Variants in SPATA13 observed in about 807,000 individuals in gnomAD.
The protein encoded by SPATA13 is spermatogenesis-associated protein 13.
Under a neutral mutation model 104.0 loss-of-function variants are expected in SPATA13, and 50 were observed. The ratio of observed to expected loss-of-function variants is 0.48; its 90% confidence interval spans 0.38 to 0.61. The LOEUF (loss-of-function observed/expected upper bound fraction) is 0.61, where lower values mean the gene tolerates loss of function less well. Among genes scored for constraint, SPATA13 ranks in the 20% least tolerant of loss-of-function variants. The pLI is 0.00. For missense variants in SPATA13, 1,524 were observed against 1,690.6 expected (o/e 0.90, Z 1.73); for synonymous variants, 606 against 667.5 (o/e 0.91, Z 1.42).
At chr13:24,036,496 T>C (rs1214952305) in intron 3 of SPATA13, among the ~76,000 whole-genome samples, 1 of 152,210 alleles carries the variant, frequency 6.6e-6, no homozygotes, top group Non-Finnish European at 1.5e-5. Flanking sequence ...AGGTGCACTG[T>C]AGAATCTGGA....
intron 1 of SPATA13, among the ~76,000 whole-genome samples, chr13:24,211,078 A>T (rs1245158066): frequency 6.6e-6 from 1 of 152,234 alleles, no homozygotes; most frequent in Non-Finnish European, 1.5e-5. Context: ...ACTGAAGAAA[A>T]TAAATTCAAC....
In SPATA13 at chr13:24,275,795, G is replaced by A. The variant is rs1052290142; in HGVS notation, c.2165-8340G>A. 2.6e-5 allele frequency among the ~76,000 whole-genome samples: 4 copies of A among 152,306 alleles called. No homozygotes were observed. The South Asian group carries it at 8.3e-4, about 32-fold the overall frequency. ...CTAAAAATACAAAAATTAGCTGGAT[G>A]TGATGGCACGCACCTGTAATCTCAG... On this transcript the variant is annotated intron_variant, in intron 4 of 12. Transcript: ENST00000382108.
At chr13:24,232,053 A>G (rs1872307411) in intron 2 of SPATA13, among the ~76,000 whole-genome samples, 3 of 152,182 alleles carry the variant, frequency 2.0e-5, no homozygotes, top group Admixed American at 6.5e-5. Context: ...AGAGGACGAG[A>G]ACCAATAGGA....
chr13:24,270,864 G>A (rs772037864), intron 4 of SPATA13: 3 of 1,612,820 alleles, frequency 1.9e-6, no homozygotes, highest in African/African-American at 1.3e-5. Context: ...AAGGATGGTA[G>A]CTAGAGGGGA....
At chr13:24,279,611 G>A (rs1875342676) in intron 4 of SPATA13, among the ~76,000 whole-genome samples, 1 of 152,174 alleles carries the variant, frequency 6.6e-6, no homozygotes. Context: ...TCAGGAACTT[G>A]AATCAGATCT....
intron 1 of SPATA13, among the ~76,000 whole-genome samples, chr13:24,195,029 T>C (rs1171666249): frequency 6.6e-6 from 1 of 152,204 alleles, no homozygotes; most frequent in African/African-American, 2.4e-5. Context: ...TAGGAAGAGT[T>C]GTACAGCTGT....
chr13:24,103,183 G>C (rs1566104015), intron 3 of SPATA13, among the ~76,000 whole-genome samples: 2 of 152,124 alleles, frequency 1.3e-5, no homozygotes, highest in Admixed American at 1.3e-4. Context: ...AATGGGAAAT[G>C]AACAAATACA....
rs1263666501 is a variant in SPATA13, at chr13:24,224,238, C to A, written c.1309C>A (p.Gln437Lys). The change falls in exon 2 of 13, where the codon CAG (glutamine) becomes AAG (lysine). Residue 437 changes from glutamine (Q) to lysine (K), a missense_variant. Transcript: ENST00000382108. ...CAGCTCTTTGCCAAGCCCGATTGTCCAGGATGTGTTGAGCAAAGACTCCTG... is the reference window on the plus strand; with the variant it reads ...CAGCTCTTTGCCAAGCCCGATTGTCAAGGATGTGTTGAGCAAAGACTCCTG... The part of the protein sequence containing the change: ...TCSSLPSPIV[Q>K]DVLSKDSCDP... 1.3e-6 allele frequency: 2 copies of A among 1,551,590 alleles called. No individual in the cohort carries two copies. Among genetic ancestry groups the A allele is most frequent in the Non-Finnish European group, 1.7e-6 (2 of 1,147,000 alleles).
chr13:24,123,841 A>G, intron 3 of SPATA13: 2 of 760,610 alleles, frequency 2.6e-6, no homozygotes, highest in Non-Finnish European at 2.3e-6. Context: ...GTGAAGGCCC[A>G]TTGGGGAATA....
chr13:24,197,992 G>A (rs932972691), intron 1 of SPATA13, among the ~76,000 whole-genome samples: 2 of 138,892 alleles, frequency 1.4e-5, no homozygotes, highest in Non-Finnish European at 3.0e-5. Context: ...CTGTTACCTC[G>A]TGTTTGTTTG....
Position 24,048,452 on chromosome 13 carries a change from T to G in SPATA13, c.-112+30751T>G, listed in dbSNP as rs1445932529. On this transcript the variant is annotated intron_variant, in intron 3 of 14. Coordinates refer to the SPATA13 transcript ENST00000424834. ...TAAATATTTTCATTTAATAATTTAG[T>G]AGATCTAGTAAACTAATCAAGGATG... Among the ~76,000 whole-genome samples the G allele has an allele frequency of 6.5e-4, 25 of 38,358 alleles. 1 individual carries two copies. The highest frequency in any genetic ancestry group is 1.7e-3 in the African/African-American group (25 of 14,362). The allele number at this position is 38,358 out of a possible 152,430, so 25.2% of individuals were successfully genotyped here. A position where few individuals can be genotyped will look rare whatever the true frequency, so the allele number is the denominator to read the frequency against.
At chr13:24,108,417 A>G (rs540586210) in intron 3 of SPATA13, among the ~76,000 whole-genome samples, 7 of 152,228 alleles carry the variant, frequency 4.6e-5, no homozygotes, top group East Asian at 1.9e-4. Flanking sequence ...ATATTTTACA[A>G]TAAAGGCCTC....
intron 2 of SPATA13, among the ~76,000 whole-genome samples, chr13:23,987,001 C>CTGTGTGTGTG (rs113990315): frequency 0.1 from 14,684 of 141,374 alleles, 843 homozygotes; most frequent in East Asian, 0.18. Flanking sequence ...ATGGATATAT[C>CTGTGTGTGTG]TGTGTGTGTG....
chr13:24,060,487 A>G (rs967718412), intron 3 of SPATA13, among the ~76,000 whole-genome samples: 2 of 152,250 alleles, frequency 1.3e-5, no homozygotes, highest in African/African-American at 4.8e-5. Flanking sequence ...ACCCTGAAAG[A>G]CAACCTAGGC....
At chr13:24,182,494 C>CAG (rs60047720) in intron 1 of SPATA13, among the ~76,000 whole-genome samples, 90,382 of 148,882 alleles carry the variant, frequency 0.61, 31,061 homozygotes, top group Non-Finnish European at 0.79. Flanking sequence ...GAGAGAGAGA[C>CAG]AGAGAGAGAG....
chr13:24,095,714 T>C (rs1880054255), intron 3 of SPATA13, among the ~76,000 whole-genome samples: 2 of 152,208 alleles, frequency 1.3e-5, no homozygotes, highest in Non-Finnish European at 2.9e-5. Context: ...GGACTTGCAA[T>C]CTACCCTCGT....
intron 3 of SPATA13, among the ~76,000 whole-genome samples, chr13:24,114,558 A>AT (rs1324335701): frequency 1.6e-4 from 24 of 149,254 alleles, no homozygotes; most frequent in South Asian, 6.4e-4. Flanking sequence ...CAAGGCTGTC[A>AT]TTTTTTTTTG....
intron 3 of SPATA13, among the ~76,000 whole-genome samples, chr13:24,046,816 G>A (rs1346884014): frequency 6.6e-6 from 1 of 152,072 alleles, no homozygotes; most frequent in Non-Finnish European, 1.5e-5. Context: ...TGCTTTGAAG[G>A]TATGCATATT....
chr13:24,000,966 TA>T (rs1467112747), intron 2 of SPATA13, among the ~76,000 whole-genome samples: 1 of 152,144 alleles, frequency 6.6e-6, no homozygotes, highest in Non-Finnish European at 1.5e-5. Flanking sequence ...TAGGCTGCTG[TA>T]ACATAGCACC....
Sources: allele counts gnomAD v4.1 joint callset (sites outside exome capture counted in the v4.1 genomes callset), GRCh38; gene constraint gnomAD v4.1.1; transcripts MANE v1.5; gene names NCBI Gene and HGNC (gene_info 2026-07-23, HGNC 2026-07-21).